Variants in EPHA6 observed in about 807,000 individuals in gnomAD.
EPHA6 encodes the protein ephrin type-A receptor 6.
A neutral mutation model predicts 112.0 loss-of-function variants in EPHA6; 50 were observed. That is an observed-to-expected ratio of 0.45 (90% CI 0.36 to 0.56). The LOEUF is 0.56. Among genes scored for constraint, EPHA6 ranks in the 20% least tolerant of loss-of-function variants. The pLI is 0.00. For missense variants in EPHA6, 1,280 were observed against 1,417.4 expected (o/e 0.90, Z 1.56); for synonymous variants, 529 against 490.7 (o/e 1.08, Z -1.03).
intron 5 of EPHA6, among the ~76,000 whole-genome samples, chr3:97,398,138 T>C (rs1362055535): frequency 6.6e-6 from 1 of 151,520 alleles, no homozygotes; most frequent in Non-Finnish European, 1.5e-5. Flanking sequence ...TATAATTGAA[T>C]TTCTTTTAAG....
At chr3:97,485,041 G>A (rs532882550) in intron 10 of EPHA6, among the ~76,000 whole-genome samples, 1 of 152,312 alleles carries the variant, frequency 6.6e-6, no homozygotes, top group Admixed American at 6.5e-5. Context: ...TATGCAGGGG[G>A]GCTGTTTTCC....
chr3:96,912,998 A>C (rs184950493), intron 2 of EPHA6, among the ~76,000 whole-genome samples: 74 of 152,174 alleles, frequency 4.9e-4, no homozygotes, highest in Middle Eastern at 3.4e-3. Flanking sequence ...AGGGAGAAGC[A>C]GTGTAAGGTA....
intron 2 of EPHA6, among the ~76,000 whole-genome samples, chr3:96,874,621 C>T (rs372182461): frequency 2.0e-5 from 3 of 152,080 alleles, no homozygotes; most frequent in East Asian, 1.9e-4. Flanking sequence ...GTTAGTGACA[C>T]GGTGCCCTAC....
chr3:97,149,636 C>A (rs2076123131), intron 3 of EPHA6, among the ~76,000 whole-genome samples: 1 of 151,710 alleles, frequency 6.6e-6, no homozygotes, highest in Non-Finnish European at 1.5e-5. Flanking sequence ...AATTGAGAAA[C>A]TCAAAAATTG....
At chr3:97,717,318 A>G (rs1255704726) in intron 14 of EPHA6, among the ~76,000 whole-genome samples, 5 of 152,156 alleles carry the variant, frequency 3.3e-5, no homozygotes, top group African/African-American at 1.2e-4. Flanking sequence ...TCATTTTAAC[A>G]AAGTGTTTTG....
At chr3:97,747,382 T>C in intron 16 of EPHA6, 41 bp from the exon 17 acceptor site, 4 of 1,444,072 alleles carry the variant, frequency 2.8e-6, no homozygotes, top group Non-Finnish European at 3.7e-6. Flanking sequence ...ATTTGGCTTT[T>C]AAATGCTCTC....
chr3:97,025,136 T>A (rs1423936330), intron 3 of EPHA6, among the ~76,000 whole-genome samples: 1 of 152,222 alleles, frequency 6.6e-6, no homozygotes, highest in Non-Finnish European at 1.5e-5. Context: ...GAGCAATACC[T>A]ATGTCATGAG....
chr3:97,259,802 C>T (rs1242518041), intron 5 of EPHA6, among the ~76,000 whole-genome samples: 2 of 141,058 alleles, frequency 1.4e-5, no homozygotes, highest in Non-Finnish European at 3.0e-5. Flanking sequence ...AGAAAGTATA[C>T]CTTTTTTTTT....
At chr3:97,183,211 A>T (rs1271428632) in intron 3 of EPHA6, among the ~76,000 whole-genome samples, 1 of 152,122 alleles carries the variant, frequency 6.6e-6, no homozygotes, top group Non-Finnish European at 1.5e-5. Flanking sequence ...TGTGATGAGA[A>T]GGTACAATCG....
At position 97,752,102 on chromosome 3, in the gene EPHA6, T is replaced by C. The variant is rs997887896; in HGVS notation, c.*3401T>C. 4.5e-6 allele frequency: 1 copy of C among 224,238 alleles called. No individual in the cohort carries two copies. The highest frequency in any genetic ancestry group is 2.2e-5 in the African/African-American group (1 of 44,912). 13.9% of individuals were successfully genotyped at this position (224,238 alleles called of 1,614,324 possible). ...TATAACTGGTGATAAATGTTCTACATTCCATATCAAAATAAGACATCTTAT... is the reference window on the plus strand; with the variant it reads ...TATAACTGGTGATAAATGTTCTACACTCCATATCAAAATAAGACATCTTAT... On this transcript the variant is annotated 3_prime_UTR_variant, in exon 18 of 18. Coordinates refer to ENST00000389672, the MANE Select transcript of EPHA6 (RefSeq NM_001080448.3).
intron 3 of EPHA6, among the ~76,000 whole-genome samples, chr3:97,081,345 ACT>A (rs1226547618): frequency 7.9e-5 from 12 of 152,046 alleles, no homozygotes; most frequent in South Asian, 2.1e-4. Flanking sequence ...TTAAAATGCC[ACT>A]CTCTCAATAG....
At chr3:96,948,926 A>C (rs948302220) in intron 2 of EPHA6, among the ~76,000 whole-genome samples, 6 of 152,178 alleles carry the variant, frequency 3.9e-5, no homozygotes, top group Non-Finnish European at 8.8e-5. Context: ...GACTGTGTGC[A>C]TCCTAAGTTG....
At chr3:97,542,539 G>T (rs2092876181) in intron 11 of EPHA6, among the ~76,000 whole-genome samples, 1 of 152,160 alleles carries the variant, frequency 6.6e-6, no homozygotes, top group Non-Finnish European at 1.5e-5. Flanking sequence ...ATTGTGAATA[G>T]TGCTGCTATA....
At chr3:97,558,542 C>T (rs571581306) in intron 11 of EPHA6, among the ~76,000 whole-genome samples, 2 of 152,102 alleles carry the variant, frequency 1.3e-5, no homozygotes, top group East Asian at 3.9e-4. Flanking sequence ...ATTCTCTATA[C>T]TTTCTGCTAC....
chr3:97,209,877 A>AC lies in EPHA6; in HGVS notation c.1115-16387_1115-16386insC, dbSNP rs1254939931. 7.0e-4 allele frequency among the ~76,000 whole-genome samples: 106 copies of AC among 152,204 alleles called. 2 individuals are homozygous for AC. The highest frequency in any genetic ancestry group is 1.6e-4 in the Non-Finnish European group (11 of 68,034). ...TCACACATACAATTCATTCAATTGA[A>AC]TTGAATACGATTCAATTCTAGGTTG... On this transcript the variant is annotated intron_variant, in intron 3 of 17. Transcript: ENST00000389672.
At chr3:97,409,672 CT>C (rs984197949) in intron 6 of EPHA6, among the ~76,000 whole-genome samples, 34 of 152,066 alleles carry the variant, frequency 2.2e-4, no homozygotes, top group African/African-American at 8.2e-4. Context: ...TATTGTACAG[CT>C]CCCCTAATTA....
chr3:97,185,760 A>T (rs2077110445), intron 3 of EPHA6, among the ~76,000 whole-genome samples: 1 of 152,106 alleles, frequency 6.6e-6, no homozygotes, highest in Non-Finnish European at 1.5e-5. Flanking sequence ...AGACACATGC[A>T]CACGTATGTT....
At chr3:96,963,599 A>G (rs1476535271) in intron 2 of EPHA6, among the ~76,000 whole-genome samples, 2 of 152,150 alleles carry the variant, frequency 1.3e-5, no homozygotes, top group African/African-American at 2.4e-5. Flanking sequence ...GGGTATTTCC[A>G]TATCTACAGT....
chr3:97,448,076 G>A (rs1577442822), intron 6 of EPHA6, among the ~76,000 whole-genome samples: 1 of 152,118 alleles, frequency 6.6e-6, no homozygotes, highest in African/African-American at 2.4e-5. Flanking sequence ...CAGGATAAAA[G>A]ATTTCAAACT....
Sources: gnomAD v4.1 joint callset for allele counts (sites outside exome capture counted in the v4.1 genomes callset) on GRCh38, gnomAD v4.1.1 for gene constraint, MANE v1.5 for transcripts, NCBI Gene and HGNC (gene_info 2026-07-23, HGNC 2026-07-21) for gene names.